The following TM6SF1 variants were observed in gnomAD, a reference collection of about 807,000 sequenced individuals.
TM6SF1 encodes the protein transmembrane 6 superfamily member 1.
In TM6SF1, 43 loss-of-function variants were observed where a neutral mutation model predicts 47.1. That is an observed-to-expected ratio of 0.91 (90% CI 0.72 to 1.18). The LOEUF (loss-of-function observed/expected upper bound fraction) is 1.18. Among genes scored for constraint, TM6SF1 ranks in the 50% most tolerant of loss-of-function variants. The pLI is 0.00. For missense variants in TM6SF1, 390 were observed against 449.0 expected, an observed-to-expected ratio of 0.87 and a Z score of 1.19; for synonymous variants, 177 against 166.3, an observed-to-expected ratio of 1.06 and a Z score of -0.49.
Position 83,127,438 on chromosome 15 carries a change from G to A in TM6SF1, c.882G>A (p.Met294Ile). 3.7e-6 allele frequency: 6 copies of A among 1,613,902 alleles called. No homozygotes were observed. Among genetic ancestry groups the A allele is most frequent in the Non-Finnish European group, 5.1e-6 (6 of 1,179,872 alleles). Residue 294 changes from methionine (M) to isoleucine (I), a missense_variant, in exon 9 of 10, where the codon ATG becomes ATA. Physicochemically the swap from Met to Ile is conservative, Grantham distance 10. Coordinates refer to ENST00000322019, the MANE Select transcript of TM6SF1 (RefSeq NM_023003.5). ...TAGTGGTTCCTGGATGTTCCTGGAT[G>A]CCTGACATCACATTGATACATGCTG... ...YGLVVPGCSW[M>I]PDITLIHAGG...
chr15:83,107,665 C>A lies in TM6SF1; in HGVS notation c.-16C>A, dbSNP rs775945976. On this transcript the variant is annotated 5_prime_UTR_variant, in exon 1 of 10. Coordinates refer to ENST00000322019, the MANE Select transcript of TM6SF1 (RefSeq NM_023003.5). This position sits in a 1 kb window ranked among gnomAD's most constrained non-coding sequence, Gnocchi z 5.6. ...CCAGCGGGATGCGGTGAAGGGCGAG[C>A]GGCGCGGCGGCTGCGATGAGTGCCT... is the stretch of plus-strand genomic sequence containing the variant. 79 of 1,534,026 alleles carry A rather than the reference C, an allele frequency of 5.1e-5. No individual in the cohort carries two copies. The highest frequency in any genetic ancestry group is 1.6e-4 in the Admixed American group (8 of 49,702).
Position 83,112,833 on chromosome 15 carries a change from G to T in TM6SF1, c.129G>T (p.Leu43=). 3 of 1,614,156 alleles carry T rather than the reference G, an allele frequency of 1.9e-6. No individual in the cohort carries two copies. The highest frequency in any genetic ancestry group is 2.5e-6 in the Non-Finnish European group (3 of 1,180,004). The change falls in exon 2 of 10, where the codon CTG becomes CTT. Residue 43 remains leucine, a synonymous_variant. Transcript: ENST00000322019. ...TTGTAGGGGTTGCTGCCCTCATCCT[G>T]TTCCTGGTAGCACTGCTGGCTCGTG... is the stretch of plus-strand genomic sequence containing the variant. The part of the protein sequence containing the change: ...WTIVGVAALI[L]FLVALLARVL...
chr15:83,121,450 A>C (rs975800125), intron 4 of TM6SF1, among the ~76,000 whole-genome samples: 1 of 152,208 alleles, frequency 6.6e-6, no homozygotes, highest in Non-Finnish European at 1.5e-5. Context: ...AACATGGGGT[A>C]CATGTCACTT....
rs1224064937 is a variant in TM6SF1, at chr15:83,122,740, TTCTC to T, written c.482-13_482-10del. ...TATGCTTTTGGTAACTTCTTTCTCT[TTCTC>T]TCTTTTAAATAGGGAAGTATGGAAC... On this transcript the variant is annotated splice_polypyrimidine_tract_variant and intron_variant, in intron 5 of 9. Transcript: ENST00000322019. 6.2e-7 allele frequency: 1 copy of T among 1,610,686 alleles called. No individual in the cohort carries two copies. Among genetic ancestry groups the T allele is most frequent in the Admixed American group, 1.7e-5 (1 of 59,430 alleles).
intron 9 of TM6SF1, chr15:83,135,276 A>G (rs2036534468): frequency 6.6e-6 from 1 of 152,210 alleles, no homozygotes; most frequent in South Asian, 2.1e-4. Context: ...AGTAAGTAAC[A>G]CCTTTATCTG....
Position 83,127,377 on chromosome 15 carries a change from A to G in TM6SF1, c.821A>G (p.Tyr274Cys). 6.2e-7 allele frequency: 1 copy of G among 1,613,866 alleles called. No homozygotes were observed. The highest frequency in any genetic ancestry group is 8.5e-7 in the Non-Finnish European group (1 of 1,179,896). Residue 274 changes from tyrosine to cysteine, a missense_variant, in exon 9 of 10, where the codon TAT becomes TGT. By Grantham distance (194) the Tyr-to-Cys change is radical. Coordinates refer to ENST00000322019, the MANE Select transcript of TM6SF1 (RefSeq NM_023003.5). ...PKIQMLAYMF[Y>C]SVPYFVTALY... Reference sequence around the variant, plus strand: ...ATACAGATGCTGGCATATATGTTCTATTCTGTTCCTTACTTTGTGACTGCA... The same window carrying G: ...ATACAGATGCTGGCATATATGTTCTGTTCTGTTCCTTACTTTGTGACTGCA...
At chr15:83,116,710 G>A (rs574459208) in intron 3 of TM6SF1, among the ~76,000 whole-genome samples, 1 of 152,358 alleles carries the variant, frequency 6.6e-6, no homozygotes, top group South Asian at 2.1e-4. Flanking sequence ...ACCAGCAGGG[G>A]CATAAACGTG....
Position 83,111,019 on chromosome 15 carries a change from C to T in TM6SF1, c.93-1778C>T, listed in dbSNP as rs574796290. ...CCAAGTAGCGGGGATTACAGGCATC[C>T]GCCACCTCGCCTGGCTAATTTTTTG... On this transcript the variant is annotated intron_variant, in intron 1 of 9. Coordinates refer to ENST00000322019, the MANE Select transcript of TM6SF1 (RefSeq NM_023003.5). Among the ~76,000 whole-genome samples the T allele has an allele frequency of 8.5e-4, 129 of 152,160 alleles. 3 individuals are homozygous for T. In the South Asian group the frequency reaches 0.02, roughly 24 times the overall value.
chr15:83,117,277 T>C (rs2034749907), intron 3 of TM6SF1, among the ~76,000 whole-genome samples: 1 of 152,102 alleles, frequency 6.6e-6, no homozygotes, highest in African/African-American at 2.4e-5. Flanking sequence ...AGGATGAGGC[T>C]GAGTTTCTAT....
intron 4 of TM6SF1, among the ~76,000 whole-genome samples, chr15:83,121,651 G>A (rs2035254832): frequency 6.6e-6 from 1 of 152,142 alleles, no homozygotes; most frequent in African/African-American, 2.4e-5. Flanking sequence ...GGAGTCCTGT[G>A]GCAGGGATGA....
chr15:83,135,101 T>C (rs1178346397), intron 9 of TM6SF1: 2 of 152,184 alleles, frequency 1.3e-5, no homozygotes, highest in African/African-American at 4.8e-5. Context: ...CAATACATCA[T>C]GCTAATTTAA....
intron 5 of TM6SF1, 126 bp from the exon 6 acceptor site, chr15:83,122,631 C>T (rs1327992183): frequency 4.2e-6 from 4 of 962,510 alleles, no homozygotes; most frequent in Non-Finnish European, 4.6e-6. Context: ...TTTAATTTGG[C>T]CTCATTAAAA....
chr15:83,136,558 C>G lies in TM6SF1; in HGVS notation c.999C>G (p.Ile333Met). Reference protein sequence around the residue: ...YVYRVPEEAKILFLALNIAYG... With the variant: ...YVYRVPEEAKMLFLALNIAYG... ...ACAGAGTCCCTGAAGAAGCAAAAAT[C>G]CTTTTTTTAGCATTAAACATAGCAT... Residue 333 changes from isoleucine to methionine, a missense_variant, in exon 10 of 10, where the codon ATC becomes ATG. Coordinates refer to ENST00000322019, the MANE Select transcript of TM6SF1 (RefSeq NM_023003.5). 4 of 1,613,720 alleles carry G rather than the reference C, an allele frequency of 2.5e-6. No individual in the cohort carries two copies. Among genetic ancestry groups the G allele is most frequent in the Non-Finnish European group, 3.4e-6 (4 of 1,179,854 alleles).
intron 9 of TM6SF1, chr15:83,129,773 T>C (rs190821726): frequency 6.6e-6 from 1 of 152,468 alleles, no homozygotes; most frequent in East Asian, 1.9e-4. Flanking sequence ...CAAGTGGGGC[T>C]TTATTAGGCT....
rs141808241 is a variant in TM6SF1 at position 83,108,629 on chromosome 15, C to T, written c.92+857C>T. ...GCCTGAGGGTCGCCGGGTGTTGGGA[C>T]AGGCGCCAGCCTCTGTTCCTGCTGA... On this transcript the variant is annotated intron_variant, in intron 1 of 9. Coordinates refer to ENST00000322019, the MANE Select transcript of TM6SF1 (RefSeq NM_023003.5). 1.5e-3 allele frequency among the ~76,000 whole-genome samples: 229 copies of T among 152,344 alleles called. 1 individual carries two copies. Among genetic ancestry groups the T allele is most frequent in the Middle Eastern group, 3.4e-3 (1 of 294 alleles).
intron 7 of TM6SF1, among the ~76,000 whole-genome samples, chr15:83,125,165 G>A (rs897181910): frequency 6.6e-6 from 1 of 152,166 alleles, no homozygotes; most frequent in African/African-American, 2.4e-5. Flanking sequence ...TCAGGAGTAG[G>A]GGCAATGGGG....
intron 5 of TM6SF1, 66 bp from the exon 6 acceptor site, chr15:83,122,691 A>G: frequency 6.4e-7 from 1 of 1,566,070 alleles, no homozygotes. Flanking sequence ...ATGGGGAGGT[A>G]TCCTAAATAT....
At chr15:83,129,903 T>C (rs2036096822) in intron 9 of TM6SF1, 1 of 152,312 alleles carries the variant, frequency 6.6e-6, no homozygotes, top group Non-Finnish European at 1.5e-5. Flanking sequence ...TTCTCCTGTA[T>C]CCTTCAGAAC....
Position 83,136,472 on chromosome 15 carries a change from A to T in TM6SF1, c.922-9A>T. Reference sequence around the variant, plus strand: ...TGCTTACTCAATTTTTTTTTTTTAAATGCAACAGGCTCAGTTTTCTCACAT... The same window carrying T: ...TGCTTACTCAATTTTTTTTTTTTAATTGCAACAGGCTCAGTTTTCTCACAT... On this transcript the variant is annotated splice_polypyrimidine_tract_variant and intron_variant, in intron 9 of 9. Transcript: ENST00000322019. 6.4e-7 allele frequency: 1 copy of T among 1,568,132 alleles called. No homozygotes were observed. Among genetic ancestry groups the T allele is most frequent in the Non-Finnish European group, 8.6e-7 (1 of 1,163,870 alleles).
Sources: allele counts gnomAD v4.1 joint callset (sites outside exome capture counted in the v4.1 genomes callset), GRCh38; gene constraint gnomAD v4.1.1; non-coding constraint Gnocchi (gnomAD v3.1); transcripts MANE v1.5; gene names NCBI Gene and HGNC (gene_info 2026-07-23, HGNC 2026-07-21).